Variants in KLF8 observed in about 807,000 individuals in gnomAD.
KLF8 encodes Krueppel-like factor 8.
KLF8 carries 10 observed loss-of-function variants against 18.2 expected under a neutral mutation model. That is an observed-to-expected ratio of 0.55 (90% CI 0.34 to 0.93). KLF8 has a LOEUF of 0.93. KLF8 is among the 40% of genes least tolerant of loss of function. KLF8 has a pLI of 0.02. For missense variants in KLF8, 264 were observed against 277.9 expected (o/e 0.95, Z 0.36); for synonymous variants, 109 against 97.3 (o/e 1.12, Z -0.71).
At chrX:56,188,405 T>C in the KLF8 span, among the ~76,000 whole-genome samples, 1 of 111,989 alleles carries the variant, frequency 8.9e-6, no homozygotes, top group African/African-American at 3.3e-5. Context: ...TCCATGATCA[T>C]GGGTAGGAAG....
chrX:56,233,424 C>A, intron 1 of KLF8, 83 bp downstream of exon 1: 2 of 742,106 alleles, frequency 2.7e-6, no homozygotes, highest in East Asian at 3.2e-5. Flanking sequence ...CCTGCTCCCC[C>A]CACACACCCC....
the KLF8 span, among the ~76,000 whole-genome samples, chrX:56,031,941 G>A: frequency 9.0e-6 from 1 of 111,529 alleles, no homozygotes; most frequent in African/African-American, 3.3e-5. Flanking sequence ...TCATGCACCA[G>A]TAATCAGAGT....
chrX:56,057,177 G>A, the KLF8 span, among the ~76,000 whole-genome samples: 2 of 111,933 alleles, frequency 1.8e-5, no homozygotes, highest in African/African-American at 6.5e-5. Flanking sequence ...GCGTAGGTCT[G>A]TGTGCATTCT....
the KLF8 span, among the ~76,000 whole-genome samples, chrX:55,931,302 A>G: frequency 9.0e-6 from 1 of 111,559 alleles, no homozygotes; most frequent in African/African-American, 3.3e-5. Context: ...TACTTTGTTA[A>G]TCTTTTCCAA....
the KLF8 span, among the ~76,000 whole-genome samples, chrX:56,046,690 G>A: frequency 6.3e-5 from 7 of 111,128 alleles, no homozygotes; most frequent in East Asian, 2.0e-3. Context: ...TTTGTTTAAG[G>A]AGGCTAAACA....
At chrX:56,179,084 A>ATT in the KLF8 span, among the ~76,000 whole-genome samples, 1 of 111,778 alleles carries the variant, frequency 8.9e-6, no homozygotes, top group Non-Finnish European at 1.9e-5. Context: ...CAGTATGGCC[A>ATT]TTTTCACAAT....
At chrX:55,934,934 C>T in the KLF8 span, among the ~76,000 whole-genome samples, 2 of 111,237 alleles carry the variant, frequency 1.8e-5, no homozygotes, top group East Asian at 5.7e-4. Flanking sequence ...AGGGTTAAAT[C>T]CAACTCTTCT....
At chrX:56,190,346 G>A in the KLF8 span, among the ~76,000 whole-genome samples, 2 of 111,251 alleles carry the variant, frequency 1.8e-5, no homozygotes, top group African/African-American at 3.3e-5. Context: ...TATCATTAGA[G>A]CTAAAAAAGA....
chrX:56,116,945 A>G, the KLF8 span, among the ~76,000 whole-genome samples: 1 of 110,394 alleles, frequency 9.1e-6, no homozygotes, highest in Non-Finnish European at 1.9e-5. Flanking sequence ...GCTTTAATAA[A>G]TTCCTAACAT....
chrX:56,024,642 C>T, the KLF8 span, among the ~76,000 whole-genome samples: 4 of 111,903 alleles, frequency 3.6e-5, no homozygotes, highest in South Asian at 3.7e-4. Flanking sequence ...CATGATTGAT[C>T]GAGCAATCTA....
chrX:56,221,760 G>A, the KLF8 span, among the ~76,000 whole-genome samples: 3 of 111,767 alleles, frequency 2.7e-5, no homozygotes, highest in Non-Finnish European at 5.6e-5. Context: ...TAAAGGCAGT[G>A]TGGACCCAAA....
chrX:56,210,437 T>G, the KLF8 span, among the ~76,000 whole-genome samples: 5 of 112,025 alleles, frequency 4.5e-5, no homozygotes, highest in South Asian at 3.7e-4. Flanking sequence ...ATGTCGTTTG[T>G]TTATCTTACC....
In KLF8 at chrX:56,233,141, C is replaced by A. The variant is rs2066422324; in HGVS notation, c.-194C>A. ...GAATCGACTCCCTCCCCTTTCGACC[C>A]CCTCCTCATTTTCCAGCCCGGAGAA... On this transcript the variant is annotated 5_prime_UTR_variant, in exon 1 of 6. Transcript: ENST00000468660. 1 of 486,110 alleles carries A rather than the reference C, an allele frequency of 2.1e-6. No homozygotes were observed. The highest frequency in any genetic ancestry group is 2.3e-5 in the African/African-American group (1 of 43,304). 40.1% of individuals were successfully genotyped at this position (486,110 alleles called of 1,213,427 possible).
the KLF8 span, among the ~76,000 whole-genome samples, chrX:56,190,683 A>G: frequency 9.0e-6 from 1 of 111,630 alleles, no homozygotes; most frequent in African/African-American, 3.2e-5. Context: ...TTTGGAAACT[A>G]TACAAACGCA....
the KLF8 span, among the ~76,000 whole-genome samples, chrX:56,048,932 CTT>C: frequency 8.9e-6 from 1 of 111,841 alleles, no homozygotes; most frequent in African/African-American, 3.2e-5. Flanking sequence ...TTTGTATCCT[CTT>C]TTGTTTCATT....
chrX:56,084,025 G>A, the KLF8 span, among the ~76,000 whole-genome samples: 1 of 111,393 alleles, frequency 9.0e-6, no homozygotes, highest in African/African-American at 3.3e-5. Context: ...AATTTTACAA[G>A]ACAGGAACAA....
chrX:55,986,221 C>T, the KLF8 span, among the ~76,000 whole-genome samples: 1 of 111,657 alleles, frequency 9.0e-6, no homozygotes, highest in African/African-American at 3.3e-5. Flanking sequence ...TGCCAGTTTT[C>T]AAGGTGAGTG....
At chrX:56,092,866 T>A in the KLF8 span, among the ~76,000 whole-genome samples, 1 of 109,346 alleles carries the variant, frequency 9.1e-6, no homozygotes, top group African/African-American at 3.3e-5. Context: ...CAAAAGGAAA[T>A]GCTATAAATT....
the KLF8 span, among the ~76,000 whole-genome samples, chrX:56,002,565 C>T: frequency 9.0e-6 from 1 of 111,339 alleles, no homozygotes; most frequent in Non-Finnish European, 1.9e-5. Context: ...GATTGACACT[C>T]AGAAAATAGT....
Sources: gnomAD v4.1 joint callset for allele counts (sites outside exome capture counted in the v4.1 genomes callset) on GRCh38, gnomAD v4.1.1 for gene constraint, MANE v1.5 for transcripts, NCBI Gene and HGNC (gene_info 2026-07-23, HGNC 2026-07-21) for gene names.